SERGEF: variants seen among roughly 807,000 people sequenced by gnomAD.
SERGEF encodes secretion regulating guanine nucleotide exchange factor.
A neutral mutation model predicts 50.0 loss-of-function variants in SERGEF; 51 were observed. The ratio of observed to expected loss-of-function variants is 1.02; its 90% CI spans 0.81 to 1.29. The LOEUF (loss-of-function observed/expected upper bound fraction) is 1.29. Ranked by LOEUF, SERGEF falls within the 50% of genes most tolerant of loss-of-function variation. SERGEF has a pLI of 0.00. For synonymous variants in SERGEF, 205 were observed against 212.4 expected (o/e 0.97, Z 0.30); for missense variants, 521 against 557.0 (o/e 0.94, Z 0.65).
intron 8 of SERGEF, among the ~76,000 whole-genome samples, chr11:17,979,588 G>A (rs1028957841): frequency 6.6e-6 from 1 of 152,074 alleles, no homozygotes; most frequent in Admixed American, 6.5e-5. Context: ...CTTAACACCT[G>A]GCCAGAGGCG....
At chr11:17,907,863 C>T (rs1331436137) in intron 9 of SERGEF, among the ~76,000 whole-genome samples, 3 of 152,162 alleles carry the variant, frequency 2.0e-5, no homozygotes, top group Admixed American at 2.0e-4. Flanking sequence ...CAAAAAGGAA[C>T]TGCTTGTAGG....
chr11:17,925,269 G>C (rs371726021), intron 9 of SERGEF, among the ~76,000 whole-genome samples: 1 of 41,182 alleles, frequency 2.4e-5, no homozygotes, highest in East Asian at 8.9e-4. Context: ...ACATCACAAG[G>C]GCACCACGAA....
chr11:17,943,397 A>C (rs1485598911), intron 9 of SERGEF, among the ~76,000 whole-genome samples: 1 of 152,148 alleles, frequency 6.6e-6, no homozygotes, highest in East Asian at 1.9e-4. Context: ...GTCTCCTTTA[A>C]TGTCTACATA....
chr11:17,903,505 G>C (rs1851784677), intron 9 of SERGEF, among the ~76,000 whole-genome samples: 1 of 152,172 alleles, frequency 6.6e-6, no homozygotes, highest in Non-Finnish European at 1.5e-5. Flanking sequence ...GGTTACCCTA[G>C]ATAGATTGTA....
chr11:17,959,383 G>T (rs986365121), intron 9 of SERGEF, 87 bp downstream of exon 9: 2 of 1,241,764 alleles, frequency 1.6e-6, no homozygotes, highest in East Asian at 4.7e-5. Context: ...TATCCATAAC[G>T]CCTGGCACAC....
chr11:17,914,925 T>C (rs867367007), intron 9 of SERGEF, among the ~76,000 whole-genome samples: 4 of 152,196 alleles, frequency 2.6e-5, no homozygotes, highest in African/African-American at 9.7e-5. Flanking sequence ...TAAGGTCAGA[T>C]GATAAGTGCC....
rs1456926780 is a variant in SERGEF at position 17,945,374 on chromosome 11, A to G, written c.1011+14096T>C. On this transcript the variant is annotated intron_variant, in intron 9 of 10. Coordinates refer to ENST00000265965, the MANE Select transcript of SERGEF (RefSeq NM_012139.4). Reference sequence around the variant, plus strand: ...GCTCTATTTAGTTTTATATTATTACACTATCTATACCTGCACTGTCCAGTG... The same window carrying G: ...GCTCTATTTAGTTTTATATTATTACGCTATCTATACCTGCACTGTCCAGTG... Among the ~76,000 whole-genome samples, 3 of 152,354 alleles carry G rather than the reference A, an allele frequency of 2.0e-5. No individual in the cohort carries two copies. The East Asian group carries it at 5.8e-4, about 29-fold the overall frequency.
At chr11:17,887,988 T>C (rs1851462893) in intron 9 of SERGEF, among the ~76,000 whole-genome samples, 1 of 152,338 alleles carries the variant, frequency 6.6e-6, no homozygotes, top group South Asian at 2.1e-4. Context: ...CATTACCATC[T>C]GAGCTCCGCC....
intron 10 of SERGEF, among the ~76,000 whole-genome samples, chr11:17,864,001 C>T (rs893078975): frequency 1.3e-5 from 2 of 152,080 alleles, no homozygotes; most frequent in South Asian, 2.1e-4. Flanking sequence ...TTCTAGAGGC[C>T]CAGAGAAGGA....
At chr11:17,968,019 C>T (rs889331299) in intron 8 of SERGEF, among the ~76,000 whole-genome samples, 1 of 152,224 alleles carries the variant, frequency 6.6e-6, no homozygotes, top group African/African-American at 2.4e-5. Flanking sequence ...TGGCATGGTG[C>T]TTGTACCTCT....
rs149805000 is a variant in SERGEF, at chr11:17,888,998, G to C, written c.1012-10754C>G. On this transcript the variant is annotated intron_variant, in intron 9 of 10. Coordinates refer to ENST00000265965, the MANE Select transcript of SERGEF (RefSeq NM_012139.4). This position sits in a 1 kb window ranked among gnomAD's most constrained non-coding sequence, Gnocchi z 4.1. ...AAATGAATAATGACAGTAGATTATA[G>C]CCCATTGAATAAAATAAAAATCCAC... Among the ~76,000 whole-genome samples the C allele has an allele frequency of 7.9e-5, 12 of 152,248 alleles. No individual in the cohort carries two copies. Among genetic ancestry groups the C allele is most frequent in the African/African-American group, 2.9e-4 (12 of 41,546 alleles).
At chr11:17,852,092 T>C (rs745935356) in intron 10 of SERGEF, among the ~76,000 whole-genome samples, 12 of 152,218 alleles carry the variant, frequency 7.9e-5, no homozygotes, top group Non-Finnish European at 1.3e-4. Flanking sequence ...GAGAGTCTAA[T>C]GAGTGTGTGG....
chr11:17,889,670 A>C (rs1851496955), intron 9 of SERGEF, among the ~76,000 whole-genome samples: 1 of 152,212 alleles, frequency 6.6e-6, no homozygotes, highest in South Asian at 2.1e-4. Context: ...AAATATACAG[A>C]AGCTCTGTAG....
At chr11:17,996,146 A>G (rs1433506937) in intron 5 of SERGEF, among the ~76,000 whole-genome samples, 1 of 152,248 alleles carries the variant, frequency 6.6e-6, no homozygotes, top group East Asian at 1.9e-4. Context: ...CCAATATCAC[A>G]TAACTTCCTA....
At chr11:17,926,279 G>A (rs868459443) in intron 9 of SERGEF, among the ~76,000 whole-genome samples, 12 of 152,002 alleles carry the variant, frequency 7.9e-5, no homozygotes, top group African/African-American at 2.4e-4. Flanking sequence ...ATGATGATGG[G>A]GAGAGGAGCC....
intron 9 of SERGEF, among the ~76,000 whole-genome samples, chr11:17,934,747 C>T (rs563121662): frequency 9.2e-5 from 14 of 152,170 alleles, no homozygotes; most frequent in Non-Finnish European, 1.8e-4. Flanking sequence ...TCTAATAGAA[C>T]TATATAATCA....
chr11:17,895,237 A>G (rs1303301528), intron 9 of SERGEF, among the ~76,000 whole-genome samples: 1 of 152,242 alleles, frequency 6.6e-6, no homozygotes, highest in Admixed American at 6.5e-5. Flanking sequence ...AAACAAAACA[A>G]AACGTATTGA....
At chr11:18,008,126 A>G in intron 1 of SERGEF, 50 bp from the exon 2 acceptor site, 1 of 1,579,602 alleles carries the variant, frequency 6.3e-7, no homozygotes, top group Non-Finnish European at 8.7e-7. Context: ...CACAACTGTC[A>G]ATGTCTATTT....
chr11:17,905,528 A>G (rs492556), intron 9 of SERGEF, among the ~76,000 whole-genome samples: 83,223 of 152,090 alleles, frequency 0.55, 24,119 homozygotes, highest in African/African-American at 0.75. Flanking sequence ...GGATGCAGTT[A>G]TCTGGCAGAG....
Sources: allele counts gnomAD v4.1 joint callset (sites outside exome capture counted in the v4.1 genomes callset), GRCh38; gene constraint gnomAD v4.1.1; non-coding constraint Gnocchi (gnomAD v3.1); transcripts MANE v1.5; gene names NCBI Gene and HGNC (gene_info 2026-07-23, HGNC 2026-07-21).